ME3: variants seen among roughly 807,000 people sequenced by gnomAD.
The protein encoded by ME3 is NADP-dependent malic enzyme, mitochondrial.
A neutral mutation model predicts 68.9 loss-of-function variants in ME3; 48 were observed. That is an observed-to-expected ratio of 0.70 (90% CI 0.55 to 0.89). The LOEUF is 0.89. Ranked by LOEUF, ME3 falls within the 40% of genes least tolerant of loss-of-function variation. The pLI is 0.00. For synonymous variants in ME3, 320 were observed against 318.8 expected (o/e 1.00, Z -0.04); for missense variants, 675 against 797.4 (o/e 0.85, Z 1.85).
chr11:86,565,950 C>A (rs1957458810), intron 2 of ME3, among the ~76,000 whole-genome samples: 1 of 152,218 alleles, frequency 6.6e-6, no homozygotes, highest in Non-Finnish European at 1.5e-5. Context: ...GAGAATGGGA[C>A]ACGTGCAGCC....
At chr11:86,533,908 C>T (rs1955451397) in intron 4 of ME3, among the ~76,000 whole-genome samples, 1 of 152,112 alleles carries the variant, frequency 6.6e-6, no homozygotes, top group Non-Finnish European at 1.5e-5. Context: ...GTGGTATAGC[C>T]TATTACACAC....
rs1455606072 is a variant in ME3, at chr11:86,498,088, G to A, written c.580C>T (p.Leu194=). The change falls in exon 6 of 15, where the codon CTG becomes TTG. Residue 194 remains leucine, a synonymous_variant. Coordinates refer to ENST00000543262, the Ensembl canonical transcript of ME3. ...ATGCCGTAGCAGCCCAGGTCTCCCA[G>A]GCCCAGGATGCGCTCCCCATCAGTC... 15 of 1,613,504 alleles carry A rather than the reference G, an allele frequency of 9.3e-6. No individual in the cohort carries two copies. The East Asian group carries it at 2.0e-4, about 22-fold the overall frequency.
At chr11:86,646,548 T>A (rs1945027230) in intron 2 of ME3, among the ~76,000 whole-genome samples, 1 of 152,144 alleles carries the variant, frequency 6.6e-6, no homozygotes, top group East Asian at 1.9e-4. Context: ...AATATGGGAC[T>A]ATGTGAAGAG....
intron 2 of ME3, among the ~76,000 whole-genome samples, chr11:86,647,592 C>G (rs1448252145): frequency 2.0e-5 from 3 of 151,642 alleles, no homozygotes; most frequent in African/African-American, 7.3e-5. Flanking sequence ...AAAAAAAAAG[C>G]AGGGGTTGCA....
chr11:86,521,302 G>T (rs1350496966), intron 4 of ME3, among the ~76,000 whole-genome samples: 4 of 152,048 alleles, frequency 2.6e-5, no homozygotes, highest in Admixed American at 6.5e-5. Flanking sequence ...GGCTGAGGCA[G>T]GAGAATGGCG....
intron 6 of ME3, among the ~76,000 whole-genome samples, chr11:86,488,037 G>C (rs1328504058): frequency 6.6e-6 from 1 of 152,290 alleles, no homozygotes; most frequent in East Asian, 1.9e-4. Flanking sequence ...AAAATTAGCT[G>C]GGCATGGTGG....
At chr11:86,525,615 CA>C (rs1954675772) in intron 4 of ME3, among the ~76,000 whole-genome samples, 1 of 152,086 alleles carries the variant, frequency 6.6e-6, no homozygotes, top group Non-Finnish European at 1.5e-5. Context: ...GTAGTCCCAG[CA>C]CTCTGGGAGG....
In ME3 at chr11:86,465,137, G is replaced by T. The variant is rs758289238; in HGVS notation, c.873C>A (p.Leu291=). 9 of 1,613,800 alleles carry T rather than the reference G, an allele frequency of 5.6e-6. No homozygotes were observed. The East Asian group carries it at 1.6e-4, about 28-fold the overall frequency. ...TGCAGTACTTGTTACGGTATTTGTT[G>T]AGCAGGCGGAAGGCATTGGCATTGG... The change falls in exon 8 of 15, where the codon CTC becomes CTA. Residue 291 remains leucine, a synonymous_variant. Transcript: ENST00000543262.
At chr11:86,526,342 G>C (rs1282501537) in intron 4 of ME3, among the ~76,000 whole-genome samples, 1 of 152,212 alleles carries the variant, frequency 6.6e-6, no homozygotes, top group East Asian at 1.9e-4. Flanking sequence ...CTCTTGCTGA[G>C]GCTTGAGTAG....
intron 8 of ME3, among the ~76,000 whole-genome samples, chr11:86,455,983 A>G (rs1949897067): frequency 1.3e-5 from 2 of 152,182 alleles, no homozygotes; most frequent in African/African-American, 4.8e-5. Context: ...TCCAAAGTCC[A>G]CTTATTATGT....
intron 4 of ME3, among the ~76,000 whole-genome samples, chr11:86,546,721 G>C (rs140367407): frequency 0.012 from 1,851 of 152,292 alleles, 47 homozygotes; most frequent in African/African-American, 0.042. Flanking sequence ...GTTGGTGAGA[G>C]TGTAAATTTG....
At chr11:86,655,357 G>C (rs1945789334) in intron 2 of ME3, among the ~76,000 whole-genome samples, 2 of 152,070 alleles carry the variant, frequency 1.3e-5, no homozygotes, top group African/African-American at 2.4e-5. Context: ...ATACTACAAG[G>C]CTACAGTAAC....
chr11:86,601,389 C>A (rs1960632858), intron 2 of ME3, among the ~76,000 whole-genome samples: 1 of 152,146 alleles, frequency 6.6e-6, no homozygotes, highest in African/African-American at 2.4e-5. Flanking sequence ...TACACCCTCC[C>A]AAGACTAAAC....
chr11:86,622,392 A>T (rs6592302), intron 2 of ME3, among the ~76,000 whole-genome samples: 58,945 of 151,706 alleles, frequency 0.39, 12,326 homozygotes, highest in East Asian at 0.7. Flanking sequence ...GGCATTAAAA[A>T]AAAAAAAGTT....
chr11:86,457,492 T>C, intron 8 of ME3: 1 of 1,041,704 alleles, frequency 9.6e-7, no homozygotes, highest in Non-Finnish European at 1.2e-6. Flanking sequence ...GGAAGCTATT[T>C]CTGCACTTGG....
At chr11:86,572,372 C>G (rs540972293) in intron 2 of ME3, among the ~76,000 whole-genome samples, 20 of 152,018 alleles carry the variant, frequency 1.3e-4, no homozygotes, top group South Asian at 2.1e-4. Flanking sequence ...ACCTATCAAC[C>G]CATCATCTAG....
chr11:86,622,673 CTG>C (rs1943420020), intron 2 of ME3: 1 of 152,020 alleles, frequency 6.6e-6, no homozygotes, highest in Non-Finnish European at 1.5e-5. Context: ...TCTCTTTCTC[CTG>C]TGTATATTTT....
At chr11:86,605,937 C>T (rs999834322) in intron 2 of ME3, among the ~76,000 whole-genome samples, 1 of 152,136 alleles carries the variant, frequency 6.6e-6, no homozygotes, top group African/African-American at 2.4e-5. Flanking sequence ...CACCCCAAGT[C>T]CCATGGGCCT....
At chr11:86,521,355 A>T (rs1028604893) in intron 4 of ME3, among the ~76,000 whole-genome samples, 1 of 151,238 alleles carries the variant, frequency 6.6e-6, no homozygotes, top group Non-Finnish European at 1.5e-5. Context: ...AGACTGCGCC[A>T]CTGCACTCCA....
Sources: allele counts gnomAD v4.1 joint callset (sites outside exome capture counted in the v4.1 genomes callset), GRCh38; gene constraint gnomAD v4.1.1; transcripts MANE v1.5; gene names NCBI Gene and HGNC (gene_info 2026-07-23, HGNC 2026-07-21).